The following ROS1 variants were observed in gnomAD, a reference collection of about 807,000 sequenced individuals.
ROS1 encodes the protein ROS proto-oncogene 1, receptor tyrosine kinase.
ROS1 carries 263 observed loss-of-function variants against 273.5 expected under a neutral mutation model. The ratio of observed to expected loss-of-function variants is 0.96; its 90% CI spans 0.87 to 1.06. The LOEUF is 1.06. Ranked by LOEUF, ROS1 falls within the 50% of genes least tolerant of loss-of-function variation. The probability of loss-of-function intolerance (pLI) is 0.00; values close to 1 mark genes in which losing one functional copy is unlikely to be tolerated. For missense variants in ROS1, 2,833 were observed against 2,751.1 expected, an observed-to-expected ratio of 1.03 and a Z score of -0.67; for synonymous variants, 1,008 against 954.1, an observed-to-expected ratio of 1.06 and a Z score of -1.04.
In ROS1 at chr6:117,365,665, T is replaced by G; in HGVS notation, c.2874A>C (p.Ser958=). Residue 958 remains serine, a synonymous_variant, in exon 20 of 44, where the codon TCA becomes TCC. Coordinates refer to ENST00000368507, the MANE Select transcript of ROS1 (RefSeq NM_001378902.1). ...GACCATTCCACAGGATTTGAAAACT[T>G]GAAGCATTTCCTTCAATCCTAAATG... is the stretch of plus-strand genomic sequence containing the variant. ...ESSFRIEGNA[S]SFQILWNGPP... is the part of the protein sequence containing the mutation. 2 of 1,612,900 alleles carry G rather than the reference T, an allele frequency of 1.2e-6. No individual in the cohort carries two copies. Among genetic ancestry groups the G allele is most frequent in the Non-Finnish European group, 1.7e-6 (2 of 1,179,266 alleles).
intron 31 of ROS1, among the ~76,000 whole-genome samples, chr6:117,338,235 A>G (rs1777619728): frequency 6.6e-6 from 1 of 151,910 alleles, no homozygotes; most frequent in South Asian, 2.1e-4. Flanking sequence ...TTCACTTAAC[A>G]CTCATGAGGT....
At position 117,403,246 on chromosome 6, in the gene ROS1, G is replaced by A; in HGVS notation, c.497C>T (p.Pro166Leu). 1 of 1,612,238 alleles carries A rather than the reference G, an allele frequency of 6.2e-7. No individual in the cohort carries two copies. Among genetic ancestry groups the A allele is most frequent in the African/African-American group, 1.3e-5 (1 of 74,840 alleles). ...AATGTACTCAGTGAAGGGGTGCAGG[G>A]GCTTGACCACATAGGACGGTCTGGA... is the stretch of plus-strand genomic sequence containing the variant. ...TVSRPSYVVK[P>L]LHPFTEYIFR... The change falls in exon 7 of 44, where the codon CCC (proline) becomes CTC (leucine). Residue 166 changes from proline (P) to leucine (L), a missense_variant. Pro to Leu is a moderately conservative substitution (Grantham distance 98). Coordinates refer to ENST00000368507, the MANE Select transcript of ROS1 (RefSeq NM_001378902.1).
intron 23 of ROS1, 91 bp from the exon 24 acceptor site, chr6:117,360,102 C>A (rs1488529134): frequency 3.0e-6 from 3 of 997,886 alleles, no homozygotes; most frequent in South Asian, 1.6e-5. Flanking sequence ...GTTTTGAAGT[C>A]CATGGGCTCC....
At chr6:117,403,550 A>G (rs754950521) in intron 6 of ROS1, among the ~76,000 whole-genome samples, 23 of 146,194 alleles carry the variant, frequency 1.6e-4, no homozygotes, top group Non-Finnish European at 2.9e-4. Context: ...TCTTGGGACT[A>G]TTTTTTTTTT....
In ROS1 at chr6:117,321,315, A is replaced by G. The variant is rs766239893; in HGVS notation, c.5703T>C (p.Ala1901=). The change falls in exon 36 of 44, where the codon GCT becomes GCC. Residue 1901 remains alanine, a synonymous_variant. Transcript: ENST00000368507. ...TVLINEDKEL[A]ELRGLAAGVG... is the part of the protein sequence containing the mutation. Reference sequence around the variant, plus strand: ...CTCCGGCTGCCAGACCTCGCAGCTCAGCCAACTCTTTGTCTTCGTTTATAA... The same window carrying G: ...CTCCGGCTGCCAGACCTCGCAGCTCGGCCAACTCTTTGTCTTCGTTTATAA... 1.9e-6 allele frequency: 3 copies of G among 1,613,758 alleles called. No individual in the cohort carries two copies. The South Asian group carries it at 3.3e-5, about 18-fold the overall frequency.
chr6:117,390,150 A>T (rs532194292), intron 12 of ROS1, among the ~76,000 whole-genome samples: 1 of 152,274 alleles, frequency 6.6e-6, no homozygotes, highest in East Asian at 1.9e-4. Flanking sequence ...TTTTTGAGAC[A>T]AGGTCTTACT....
At chr6:117,325,357 G>A (rs189424151) in intron 34 of ROS1, among the ~76,000 whole-genome samples, 3 of 152,212 alleles carry the variant, frequency 2.0e-5, no homozygotes, top group African/African-American at 7.2e-5. Context: ...CTAGGCTGAG[G>A]CAAACACAGG....
At chr6:117,402,696 T>A (rs1052344736) in intron 7 of ROS1, among the ~76,000 whole-genome samples, 5 of 152,110 alleles carry the variant, frequency 3.3e-5, no homozygotes, top group African/African-American at 4.8e-5. Context: ...AAGACCAGCC[T>A]GGCCAGCATG....
chr6:117,418,456 A>G lies in ROS1; in HGVS notation c.168+6T>C, dbSNP rs371366934. On this transcript the variant is annotated splice_donor_region_variant and intron_variant, in intron 2 of 43. Coordinates refer to ENST00000368507, the MANE Select transcript of ROS1 (RefSeq NM_001378902.1). ...AATATTCTTGACAACTGAAGAAATT[A>G]CTTACCGGTTCACTCAGATTATGTG... 5.0e-6 allele frequency: 8 copies of G among 1,587,512 alleles called. No individual in the cohort carries two copies. The African/African-American group carries it at 1.1e-4, about 22-fold the overall frequency.
intron 27 of ROS1, among the ~76,000 whole-genome samples, chr6:117,344,906 A>G (rs1778249844): frequency 6.6e-6 from 1 of 152,190 alleles, no homozygotes; most frequent in African/African-American, 2.4e-5. Flanking sequence ...TAGCGCAACC[A>G]TACCGCAGGC....
intron 42 of ROS1, among the ~76,000 whole-genome samples, chr6:117,302,300 C>T (rs1469965997): frequency 6.6e-6 from 1 of 152,116 alleles, no homozygotes; most frequent in Admixed American, 6.6e-5. Context: ...AGGCCATCCC[C>T]ACTCCCTCTG....
Position 117,358,029 on chromosome 6 carries a change from C to T in ROS1, c.3634-20G>A, listed in dbSNP as rs760579039. On this transcript the variant is annotated intron_variant, in intron 24 of 43. Coordinates refer to ENST00000368507, the MANE Select transcript of ROS1 (RefSeq NM_001378902.1). ...GAAAAGCTTAACAACAGGTAGAGAACACAGCCAAGAAGAGAGTGGTTATTT... is the reference window on the plus strand; with the variant it reads ...GAAAAGCTTAACAACAGGTAGAGAATACAGCCAAGAAGAGAGTGGTTATTT... 1 of 1,546,768 alleles carries T rather than the reference C, an allele frequency of 6.5e-7. No individual in the cohort carries two copies. The highest frequency in any genetic ancestry group is 8.9e-7 in the Non-Finnish European group (1 of 1,120,618).
rs2128700569 is a variant in ROS1 at position 117,387,859 on chromosome 6, G to A, written c.1920C>T (p.Tyr640=). The A allele has an allele frequency of 6.2e-7, 1 of 1,614,110 alleles. No homozygotes were observed. The highest frequency in any genetic ancestry group is 8.5e-7 in the Non-Finnish European group (1 of 1,179,992). ...GAGAACTTGCTCTCACAGAAACCTT[G>A]TATTTCATAGCACTCTGCAGCTCAG... ...NVPELQSAMK[Y]KVSVRASSPK... is the part of the protein sequence containing the mutation. The change falls in exon 14 of 44, where the codon TAC becomes TAT. Residue 640 remains tyrosine, a synonymous_variant. Coordinates refer to ENST00000368507, the MANE Select transcript of ROS1 (RefSeq NM_001378902.1).
chr6:117,321,267 A>C lies in ROS1; in HGVS notation c.5751T>G (p.Tyr1917Ter), dbSNP rs2128563199. 6.2e-7 allele frequency: 1 copy of C among 1,613,746 alleles called. No individual in the cohort carries two copies. Residue 1917 changes from tyrosine to a stop codon, truncating the protein, a stop_gained, in exon 36 of 44, where the codon TAT becomes TAG. Transcript: ENST00000368507. LOFTEE classifies it high-confidence loss of function. ...TGGCCAAAGCTACATACTGTATTGC[A>C]TAGCAGGCATTAGCCAGGCCTACTC... is the stretch of plus-strand genomic sequence containing the variant. Reference protein sequence around the residue: ...AAGVGLANACYAIHTLPTQEE... With the variant: ...AAGVGLANAC
chr6:117,337,222 T>C lies in ROS1; in HGVS notation c.5180A>G (p.Tyr1727Cys), dbSNP rs765042516. 2.5e-5 allele frequency: 41 copies of C among 1,612,668 alleles called. No homozygotes were observed. The highest frequency in any genetic ancestry group is 3.2e-5 in the Non-Finnish European group (38 of 1,179,160). Residue 1727 changes from tyrosine to cysteine, a missense_variant, in exon 32 of 44, where the codon TAT (tyrosine) becomes TGT (cysteine). Tyr to Cys is a radical substitution (Grantham distance 194). Coordinates refer to ENST00000368507, the MANE Select transcript of ROS1 (RefSeq NM_001378902.1). The stretch of plus-strand genomic sequence containing the variant: ...TGAGGTGCTATTTTCTCCCGTCTTA[T>C]AAACCACCACTACTCTGACATTATA... Reference protein sequence around the residue: ...TSYNVRVVVVYKTGENSTSLP... With the variant: ...TSYNVRVVVVCKTGENSTSLP...
At chr6:117,365,292 T>C in intron 20 of ROS1, 88 bp from the exon 21 acceptor site, 2 of 1,371,860 alleles carry the variant, frequency 1.5e-6, no homozygotes, top group Non-Finnish European at 2.0e-6. Flanking sequence ...CAAACTTTAG[T>C]TCACATGTAA....
intron 25 of ROS1, 58 bp downstream of exon 25, chr6:117,357,746 A>C: frequency 8.4e-7 from 1 of 1,190,824 alleles, no homozygotes; most frequent in Non-Finnish European, 1.2e-6. Flanking sequence ...AAGACATTAC[A>C]TTAAATATGT....
At position 117,425,814 on chromosome 6, in the gene ROS1, CTTAGCCTTTTTCAT is replaced by C; in HGVS notation, c.-172_-159del. On this transcript the variant is annotated 5_prime_UTR_variant, in exon 1 of 44. It removes an upstream start codon present in the reference 5' UTR. Coordinates refer to ENST00000368507, the MANE Select transcript of ROS1 (RefSeq NM_001378902.1). ...GATATACTTGCCTTTTGAAATAATA[CTTAGCCTTTTTCAT>C]TTAGACCTTTGAATGCTTGAAAGCT... 2 of 714,842 alleles carry C rather than the reference CTTAGCCTTTTTCAT, an allele frequency of 2.8e-6. No individual in the cohort carries two copies. The highest frequency in any genetic ancestry group is 4.6e-6 in the Non-Finnish European group (2 of 436,574). The allele number at this position is 714,842 out of a possible 1,614,324, so 44.3% of individuals were successfully genotyped here. A position where few individuals can be genotyped will look rare whatever the true frequency, so the allele number is the denominator to read the frequency against.
chr6:117,344,023 C>T (rs370715571), intron 28 of ROS1, 37 bp downstream of exon 28: 146 of 1,525,520 alleles, frequency 9.6e-5, no homozygotes, highest in African/African-American at 1.4e-4. Flanking sequence ...AAAAGAACAT[C>T]TTGTGAAAAG....
Sources: gnomAD v4.1 joint callset for allele counts (sites outside exome capture counted in the v4.1 genomes callset) on GRCh38, gnomAD v4.1.1 for gene constraint, MANE v1.5 for transcripts, NCBI Gene and HGNC (gene_info 2026-07-23, HGNC 2026-07-21) for gene names.